SLC4A10: variants seen among roughly 807,000 people sequenced by gnomAD.
SLC4A10 encodes solute carrier family 4 member 10.
Under a neutral mutation model 137.7 loss-of-function variants are expected in SLC4A10, and 42 were observed. That is an observed-to-expected ratio of 0.30 (90% confidence interval 0.24 to 0.39). The LOEUF (loss-of-function observed/expected upper bound fraction) is 0.39. Among genes scored for constraint, SLC4A10 ranks in the 10% least tolerant of loss-of-function variants. The pLI is 1.00. For synonymous variants in SLC4A10, 474 were observed against 464.1 expected, an observed-to-expected ratio of 1.02 and a Z score of -0.27; for missense variants, 925 against 1,355.0, an observed-to-expected ratio of 0.68 and a Z score of 4.98.
chr2:161,727,443 G>A (rs562499972), intron 1 of SLC4A10, among the ~76,000 whole-genome samples: 2 of 152,254 alleles, frequency 1.3e-5, no homozygotes, highest in South Asian at 4.1e-4. Flanking sequence ...AATCTCTGAA[G>A]AAAACTTCCA....
At chr2:161,801,793 C>G (rs919804355) in intron 2 of SLC4A10, among the ~76,000 whole-genome samples, 2 of 152,002 alleles carry the variant, frequency 1.3e-5, no homozygotes, top group Admixed American at 6.6e-5. Flanking sequence ...AAAACACTTT[C>G]TGAATGATAT....
chr2:161,962,734 A>G (rs1268375092), intron 21 of SLC4A10, among the ~76,000 whole-genome samples: 2 of 152,174 alleles, frequency 1.3e-5, no homozygotes, highest in Non-Finnish European at 2.9e-5. Flanking sequence ...AACTGAGGAA[A>G]GGAAGGCCAT....
intron 1 of SLC4A10, among the ~76,000 whole-genome samples, chr2:161,748,496 AT>A (rs2048622727): frequency 6.7e-6 from 1 of 149,646 alleles, no homozygotes; most frequent in Non-Finnish European, 1.5e-5. Context: ...TTCCAGTTTT[AT>A]TCTTTTGCAT....
intron 3 of SLC4A10, among the ~76,000 whole-genome samples, chr2:161,830,881 G>T (rs2058391087): frequency 6.6e-6 from 1 of 152,150 alleles, no homozygotes; most frequent in Non-Finnish European, 1.5e-5. Flanking sequence ...GAGATGTAGG[G>T]TGCTATAAGT....
At chr2:161,658,450 G>T (rs1432944201) in intron 1 of SLC4A10, among the ~76,000 whole-genome samples, 1 of 152,094 alleles carries the variant, frequency 6.6e-6, no homozygotes, top group African/African-American at 2.4e-5. Flanking sequence ...AGTAATTTTG[G>T]CTGAACTCAG....
At chr2:161,903,457 T>C (rs1036242781) in intron 12 of SLC4A10, among the ~76,000 whole-genome samples, 3 of 152,186 alleles carry the variant, frequency 2.0e-5, no homozygotes, top group Admixed American at 6.5e-5. Flanking sequence ...CCTGCAACAA[T>C]ATCTGGTGAG....
At chr2:161,936,234 C>G (rs1691557639) in intron 15 of SLC4A10, among the ~76,000 whole-genome samples, 1 of 151,950 alleles carries the variant, frequency 6.6e-6, no homozygotes, top group Non-Finnish European at 1.5e-5. Flanking sequence ...GGGATATTGA[C>G]CTATAATATT....
At chr2:161,711,303 G>T (rs1574496796) in intron 1 of SLC4A10, among the ~76,000 whole-genome samples, 1 of 151,936 alleles carries the variant, frequency 6.6e-6, no homozygotes, top group East Asian at 1.9e-4. Context: ...TCCAGGCTCA[G>T]TGTGGGTAAT....
chr2:161,667,028 T>C (rs549484188), intron 1 of SLC4A10, among the ~76,000 whole-genome samples: 2 of 151,790 alleles, frequency 1.3e-5, no homozygotes, highest in South Asian at 2.1e-4. Context: ...GGAAAGAGTA[T>C]CTATAATGAA....
chr2:161,894,362 A>G (rs906534465), intron 10 of SLC4A10, among the ~76,000 whole-genome samples: 5 of 152,028 alleles, frequency 3.3e-5, no homozygotes, highest in African/African-American at 9.7e-5. Context: ...TTCCTCCAGA[A>G]ACTGATTTTC....
intron 15 of SLC4A10, among the ~76,000 whole-genome samples, chr2:161,915,130 C>T (rs530196677): frequency 5.9e-5 from 9 of 152,176 alleles, no homozygotes; most frequent in South Asian, 2.1e-4. Context: ...AGCAGCTAGA[C>T]GTCAGGGAGA....
At chr2:161,918,402 T>C (rs909349191) in intron 15 of SLC4A10, among the ~76,000 whole-genome samples, 7 of 152,102 alleles carry the variant, frequency 4.6e-5, no homozygotes, top group Admixed American at 2.0e-4. Flanking sequence ...GTGATTCACC[T>C]ACCTTGGCCT....
intron 5 of SLC4A10, among the ~76,000 whole-genome samples, chr2:161,861,809 A>G (rs944998090): frequency 2.0e-5 from 3 of 152,212 alleles, no homozygotes; most frequent in Admixed American, 6.5e-5. Context: ...AGGTTATTCA[A>G]CTTTGCAAAG....
chr2:161,955,871 T>C (rs1309134814), intron 19 of SLC4A10, among the ~76,000 whole-genome samples: 1 of 152,206 alleles, frequency 6.6e-6, no homozygotes, highest in Non-Finnish European at 1.5e-5. Flanking sequence ...CAAATTTAAC[T>C]GCTGTATTTA....
At chr2:161,968,913 A>T (rs1026845226) in intron 23 of SLC4A10, among the ~76,000 whole-genome samples, 4 of 152,152 alleles carry the variant, frequency 2.6e-5, no homozygotes, top group Admixed American at 6.5e-5. Flanking sequence ...AGGCTTACAG[A>T]CTCAGTAGAA....
intron 11 of SLC4A10, among the ~76,000 whole-genome samples, chr2:161,898,529 A>G (rs969313616): frequency 3.3e-5 from 5 of 152,150 alleles, no homozygotes; most frequent in Non-Finnish European, 7.4e-5. Context: ...TTTTTTCACC[A>G]TTGGGATCAT....
chr2:161,803,439 T>C (rs2055586667), intron 2 of SLC4A10, among the ~76,000 whole-genome samples: 1 of 152,146 alleles, frequency 6.6e-6, no homozygotes, highest in Non-Finnish European at 1.5e-5. Flanking sequence ...TCTGGACAAA[T>C]GTTTAATGAC....
intron 12 of SLC4A10, among the ~76,000 whole-genome samples, chr2:161,901,490 GAAAGC>G (rs1683098982): frequency 6.6e-6 from 1 of 152,142 alleles, no homozygotes; most frequent in Non-Finnish European, 1.5e-5. Flanking sequence ...TTGAAGAGAT[GAAAGC>G]TTCAATTTAT....
intron 1 of SLC4A10, among the ~76,000 whole-genome samples, chr2:161,735,224 G>T (rs1168483605): frequency 2.0e-5 from 3 of 150,024 alleles, no homozygotes; most frequent in Non-Finnish European, 4.4e-5. Flanking sequence ...AACATAGGAA[G>T]TAAGTAATTT....
Sources: allele counts gnomAD v4.1 joint callset (sites outside exome capture counted in the v4.1 genomes callset), GRCh38; gene constraint gnomAD v4.1.1; transcripts MANE v1.5; gene names NCBI Gene and HGNC (gene_info 2026-07-23, HGNC 2026-07-21).